EPC2: variants seen among roughly 807,000 people sequenced by gnomAD.
The protein encoded by EPC2 is enhancer of polycomb 2, also known as enhancer of polycomb homolog 2.
EPC2 carries 14 observed loss-of-function variants against 92.1 expected under a neutral mutation model. The ratio of observed to expected loss-of-function variants is 0.15; its 90% CI spans 0.10 to 0.24. The LOEUF is 0.24. Among genes scored for constraint, EPC2 ranks in the 10% least tolerant of loss-of-function variants. The probability of loss-of-function intolerance (pLI) is 1.00; values close to 1 mark genes in which losing one functional copy is unlikely to be tolerated. For synonymous variants in EPC2, 340 were observed against 334.7 expected, an observed-to-expected ratio of 1.02 and a Z score of -0.17; for missense variants, 755 against 971.5, an observed-to-expected ratio of 0.78 and a Z score of 2.96.
At chr2:148,645,302 C>G (rs1252550522) in intron 1 of EPC2, 132 bp downstream of exon 1, 1 of 804,754 alleles carries the variant, frequency 1.2e-6, no homozygotes, top group African/African-American at 1.8e-5. Flanking sequence ...CGGGACTCTA[C>G]GCCGGCGGAG....
chr2:148,711,114 T>C (rs1264171774), intron 2 of EPC2, among the ~76,000 whole-genome samples: 1 of 152,126 alleles, frequency 6.6e-6, no homozygotes, highest in Non-Finnish European at 1.5e-5. Context: ...TCTTTTTTTT[T>C]CTTCACTTAC....
chr2:148,735,699 A>T (rs1030303573), intron 2 of EPC2, among the ~76,000 whole-genome samples: 2 of 151,932 alleles, frequency 1.3e-5, no homozygotes, highest in African/African-American at 4.8e-5. Flanking sequence ...ATATTATCTA[A>T]AAGTATTATA....
chr2:148,776,856 C>CTCTCTTTTTTTTTTTTTTTTTTTT (rs1247135854), intron 10 of EPC2, among the ~76,000 whole-genome samples: 4 of 101,026 alleles, frequency 4.0e-5, no homozygotes, highest in African/African-American at 1.5e-4. Context: ...GTCTCTCTCT[C>CTCTCTTTTTTTTTTTTTTTTTTTT]TTTTTTTTTT....
intron 1 of EPC2, among the ~76,000 whole-genome samples, chr2:148,655,881 T>G (rs1013888247): frequency 4.6e-5 from 7 of 152,048 alleles, no homozygotes; most frequent in African/African-American, 1.4e-4. Flanking sequence ...TTTTTAAAAT[T>G]GAAAAATAAT....
At chr2:148,682,173 A>G (rs1681412333) in intron 1 of EPC2, among the ~76,000 whole-genome samples, 1 of 152,242 alleles carries the variant, frequency 6.6e-6, no homozygotes. Context: ...ATAGTGCCGC[A>G]GTAAACATAT....
intron 1 of EPC2, among the ~76,000 whole-genome samples, chr2:148,654,296 C>T (rs1330119036): frequency 6.6e-6 from 1 of 152,132 alleles, no homozygotes; most frequent in Non-Finnish European, 1.5e-5. Context: ...ATAGGCAACA[C>T]TCATTTTTTT....
rs201278962 is a variant in EPC2, at chr2:148,721,892, T to TTC, written c.314-21729_314-21728insCT. Among the ~76,000 whole-genome samples the TTC allele has an allele frequency of 1.0e-3, 140 of 135,062 alleles. 1 individual carries two copies. Among genetic ancestry groups the TTC allele is most frequent in the African/African-American group, 2.7e-3 (83 of 31,010 alleles). The allele number at this position is 135,062 out of a possible 152,430, so 88.6% of individuals were successfully genotyped here. A position where few individuals can be genotyped will look rare whatever the true frequency, so the allele number is the denominator to read the frequency against. The stretch of plus-strand genomic sequence containing the variant: ...TGTTTCTTTTTCTGTTTTGATTTCT[T>TTC]TTTTTTTTTTTTTTTCAGAATTCTC... On this transcript the variant is annotated intron_variant, in intron 2 of 13. Coordinates refer to ENST00000258484, the MANE Select transcript of EPC2 (RefSeq NM_015630.4).
chr2:148,733,479 A>ATTTTTTTTTTTTTTTTTTTTT (rs34219179), intron 2 of EPC2, among the ~76,000 whole-genome samples: 1 of 26,680 alleles, frequency 3.7e-5, no homozygotes. Context: ...CTCTCTCTGG[A>ATTTTTTTTTTTTTTTTTTTTT]TTTTTTTTTT....
intron 1 of EPC2, among the ~76,000 whole-genome samples, chr2:148,686,398 C>G (rs190254572): frequency 1.1e-3 from 164 of 152,348 alleles, no homozygotes; most frequent in Non-Finnish European, 2.0e-3. Context: ...ACTTCCTTTA[C>G]TGAAGTCTTG....
chr2:148,786,096 C>T (rs943084779), intron 13 of EPC2, among the ~76,000 whole-genome samples: 1 of 151,912 alleles, frequency 6.6e-6, no homozygotes, highest in Non-Finnish European at 1.5e-5. Context: ...AAGTAAATAG[C>T]CATAATAAAA....
intron 1 of EPC2, among the ~76,000 whole-genome samples, chr2:148,676,874 G>C (rs1026805334): frequency 1.9e-5 from 2 of 103,494 alleles, no homozygotes; most frequent in Admixed American, 2.8e-4. Context: ...ACTTTTTTTG[G>C]GGGGGGGGTT....
At chr2:148,760,505 A>G (rs150910059) in intron 4 of EPC2, among the ~76,000 whole-genome samples, 60 of 152,232 alleles carry the variant, frequency 3.9e-4, no homozygotes, top group African/African-American at 1.4e-3. Context: ...CATGTGCAAT[A>G]CCCTGCACAG....
At chr2:148,662,421 C>T (rs890455335) in intron 1 of EPC2, among the ~76,000 whole-genome samples, 43 of 152,244 alleles carry the variant, frequency 2.8e-4, no homozygotes, top group Admixed American at 1.7e-3. Flanking sequence ...CCAACCCAAA[C>T]GTCCAACAAC....
chr2:148,676,776 TGC>T (rs1558805915), intron 1 of EPC2, among the ~76,000 whole-genome samples: 1 of 36,552 alleles, frequency 2.7e-5, no homozygotes, highest in East Asian at 1.2e-3. Flanking sequence ...GACATTTAGG[TGC>T]TCTCTCTCTC....
At chr2:148,645,873 G>A (rs1045357250) in intron 1 of EPC2, among the ~76,000 whole-genome samples, 6 of 152,268 alleles carry the variant, frequency 3.9e-5, no homozygotes, top group African/African-American at 1.4e-4. Flanking sequence ...GAGAGGAGCC[G>A]GGGATGCCCG....
chr2:148,766,107 A>G (rs1683403451), intron 7 of EPC2, among the ~76,000 whole-genome samples: 2 of 152,158 alleles, frequency 1.3e-5, no homozygotes, highest in Admixed American at 1.3e-4. Context: ...CTCTAGCAAT[A>G]CCCTCTTTTT....
chr2:148,750,035 C>T (rs922198073), intron 3 of EPC2, among the ~76,000 whole-genome samples: 2 of 152,018 alleles, frequency 1.3e-5, no homozygotes, highest in South Asian at 2.1e-4. Flanking sequence ...GTCTCCTAAA[C>T]GGCAGATTAA....
chr2:148,737,394 G>C (rs1352706431), intron 2 of EPC2, among the ~76,000 whole-genome samples: 2 of 151,816 alleles, frequency 1.3e-5, no homozygotes, highest in African/African-American at 2.4e-5. Flanking sequence ...CTCTATCCCT[G>C]CCTCCCCACA....
chr2:148,733,344 A>G (rs979667772), intron 2 of EPC2, among the ~76,000 whole-genome samples: 2 of 151,958 alleles, frequency 1.3e-5, no homozygotes, highest in Non-Finnish European at 2.9e-5. Flanking sequence ...GGGATGAGCA[A>G]ATCTTTTTTG....
Sources: allele counts gnomAD v4.1 joint callset (sites outside exome capture counted in the v4.1 genomes callset), GRCh38; gene constraint gnomAD v4.1.1; transcripts MANE v1.5; gene names NCBI Gene and HGNC (gene_info 2026-07-23, HGNC 2026-07-21).